CYP4B1: variants seen among roughly 807,000 people sequenced by gnomAD.
CYP4B1 encodes cytochrome P450 4B1.
Under a neutral mutation model 54.0 loss-of-function variants are expected in CYP4B1, and 45 were observed. The observed-to-expected ratio is 0.83, with a 90% CI of 0.66 to 1.07. CYP4B1 has a LOEUF of 1.07. Among genes scored for constraint, CYP4B1 ranks in the 50% least tolerant of loss-of-function variants. The pLI, the probability that CYP4B1 is intolerant of heterozygous loss-of-function variation, is 0.00. For synonymous variants in CYP4B1, 248 were observed against 247.5 expected, an observed-to-expected ratio of 1.00 and a Z score of -0.02; for missense variants, 656 against 655.4, an observed-to-expected ratio of 1.00 and a Z score of -0.01.
chr1:46,810,601 G>A (rs566851157), intron 1 of CYP4B1, among the ~76,000 whole-genome samples: 1 of 152,294 alleles, frequency 6.6e-6, no homozygotes, highest in African/African-American at 2.4e-5. Flanking sequence ...CCCGGTGTGA[G>A]AAGAGGGCGG....
At chr1:46,809,155 AT>A (rs1252655068) in intron 1 of CYP4B1, among the ~76,000 whole-genome samples, 5 of 152,090 alleles carry the variant, frequency 3.3e-5, no homozygotes, top group South Asian at 2.1e-4. Flanking sequence ...AAACAAAAAA[AT>A]AAACAATATG....
At position 46,817,101 on chromosome 1, in the gene CYP4B1, G is replaced by A. The variant is rs144321901; in HGVS notation, c.1127G>A (p.Arg376His). 82 of 1,614,146 alleles carry A rather than the reference G, an allele frequency of 5.1e-5. No homozygotes were observed. In the Admixed American group the frequency reaches 7.5e-4, roughly 15 times the overall value. Residue 376 changes from arginine (R) to histidine (H), a missense_variant, in exon 9 of 12, where the codon CGC becomes CAC. Transcript: ENST00000371923. ...YLTMCIKESF[R>H]LYPPVPQVYR... Reference sequence around the variant, plus strand: ...ACCATGTGCATCAAGGAGAGCTTCCGCCTCTACCCACCTGTGCCCCAGGTG... The same window carrying A: ...ACCATGTGCATCAAGGAGAGCTTCCACCTCTACCCACCTGTGCCCCAGGTG...
intron 4 of CYP4B1, among the ~76,000 whole-genome samples, chr1:46,813,166 C>T (rs547357736): frequency 5.9e-5 from 9 of 152,292 alleles, no homozygotes; most frequent in Non-Finnish European, 1.0e-4. Context: ...ACATATACAC[C>T]ATGCGGGGGA....
At position 46,818,188 on chromosome 1, in the gene CYP4B1, T is replaced by G; in HGVS notation, c.1330T>G (p.Phe444Val). ...TGCATCCAAACGCCATCCCTTTGCC[T>G]TTATGCCCTTCTCTGCTGGGCCCAG... ...ENASKRHPFA[F>V]MPFSAGPRNC... The change falls in exon 11 of 12, where the codon TTT becomes GTT. Residue 444 changes from phenylalanine to valine, a missense_variant. Coordinates refer to ENST00000371923, the MANE Select transcript of CYP4B1 (RefSeq NM_001099772.2). The G allele has an allele frequency of 6.2e-7, 1 of 1,614,086 alleles. No homozygotes were observed. The highest frequency in any genetic ancestry group is 8.5e-7 in the Non-Finnish European group (1 of 1,179,982).
chr1:46,810,944 G>T lies in CYP4B1; in HGVS notation c.317G>T (p.Arg106Leu), dbSNP rs756535167. The change falls in exon 2 of 12, where the codon CGT (arginine) becomes CTT (leucine). Residue 106 changes from arginine (R) to leucine (L), a missense_variant. Coordinates refer to ENST00000371923, the MANE Select transcript of CYP4B1 (RefSeq NM_001099772.2). ...GACTATGCCAAAGCTGTGTACAGCC[G>T]TGGGGGTGAGGAGAGAGGATGGGGA... ...EPDYAKAVYS[R>L]GDPKAPDVYD... 1 of 1,613,852 alleles carries T rather than the reference G, an allele frequency of 6.2e-7. No homozygotes were observed. The highest frequency in any genetic ancestry group is 8.5e-7 in the Non-Finnish European group (1 of 1,179,984).
At position 46,810,946 on chromosome 1, in the gene CYP4B1, G is replaced by T. The variant is rs780326518; in HGVS notation, c.319G>T (p.Gly107Trp). Reference sequence around the variant, plus strand: ...CTATGCCAAAGCTGTGTACAGCCGTGGGGGTGAGGAGAGAGGATGGGGATC... The same window carrying T: ...CTATGCCAAAGCTGTGTACAGCCGTTGGGGTGAGGAGAGAGGATGGGGATC... Reference protein sequence around the residue: ...PDYAKAVYSRGDPKAPDVYDF... With the variant: ...PDYAKAVYSRWDPKAPDVYDF... The change falls in exon 2 of 12, where the codon GGG (glycine) becomes TGG (tryptophan). Residue 107 changes from glycine to tryptophan, a missense_variant. Physicochemically the swap from Gly to Trp is radical, Grantham distance 184. Coordinates refer to ENST00000371923, the MANE Select transcript of CYP4B1 (RefSeq NM_001099772.2). 5.0e-6 allele frequency: 8 copies of T among 1,613,962 alleles called. No individual in the cohort carries two copies. The highest frequency in any genetic ancestry group is 1.3e-5 in the African/African-American group (1 of 75,022).
intron 3 of CYP4B1, 130 bp from the exon 4 acceptor site, chr1:46,812,366 A>C (rs920478638): frequency 4.8e-6 from 5 of 1,038,444 alleles, no homozygotes; most frequent in Admixed American, 2.0e-5. Context: ...CATGGAGGGC[A>C]ATACTGGGTC....
Position 46,814,189 on chromosome 1 carries a change from A to G in CYP4B1, c.776-20A>G. 6.2e-7 allele frequency: 1 copy of G among 1,613,370 alleles called. No individual in the cohort carries two copies. The highest frequency in any genetic ancestry group is 8.5e-7 in the Non-Finnish European group (1 of 1,179,492). On this transcript the variant is annotated intron_variant, in intron 6 of 11. Transcript: ENST00000371923. ...AAAAGATGGCTTCCCAGGCAGTGACACTCTGTGCTTTTGGTTCAGACCAGG... is the reference window on the plus strand; with the variant it reads ...AAAAGATGGCTTCCCAGGCAGTGACGCTCTGTGCTTTTGGTTCAGACCAGG...
At chr1:46,811,260 C>T (rs1473568296) in intron 3 of CYP4B1, 76 bp downstream of exon 3, 25 of 1,466,424 alleles carry the variant, frequency 1.7e-5, no homozygotes, top group Non-Finnish European at 2.4e-5. Context: ...CTGGCCTGTC[C>T]CACTCAATTG....
chr1:46,800,298 C>CTTCCTTCCTTCCTCCCTTCTTTCT (rs1553130205), intron 1 of CYP4B1, among the ~76,000 whole-genome samples: 3 of 87,976 alleles, frequency 3.4e-5, no homozygotes, highest in Admixed American at 1.3e-4. Context: ...TCCTTCCTTC[C>CTTCCTTCCTTCCTCCCTTCTTTCT]TTCTTTCCTT....
At chr1:46,804,637 G>T (rs1052004070) in intron 1 of CYP4B1, among the ~76,000 whole-genome samples, 2 of 151,978 alleles carry the variant, frequency 1.3e-5, no homozygotes, top group African/African-American at 4.8e-5. Flanking sequence ...AAACAGAGAG[G>T]CTGGGTGCAG....
Position 46,817,088 on chromosome 1 carries a change from A to G in CYP4B1, c.1114A>G (p.Lys372Glu), listed in dbSNP as rs772639166. The G allele has an allele frequency of 1.2e-6, 2 of 1,614,168 alleles. No individual in the cohort carries two copies. The highest frequency in any genetic ancestry group is 1.7e-6 in the Non-Finnish European group (2 of 1,180,018). The change falls in exon 9 of 12, where the codon AAG becomes GAG. Residue 372 changes from lysine to glutamate, a missense_variant. Coordinates refer to ENST00000371923, the MANE Select transcript of CYP4B1 (RefSeq NM_001099772.2). ...AATGACTTATCTGACCATGTGCATC[A>G]AGGAGAGCTTCCGCCTCTACCCACC... The part of the protein sequence containing the change: ...GKMTYLTMCI[K>E]ESFRLYPPVP...
At chr1:46,804,016 G>A (rs1678761402) in intron 1 of CYP4B1, among the ~76,000 whole-genome samples, 1 of 152,168 alleles carries the variant, frequency 6.6e-6, no homozygotes, top group Non-Finnish European at 1.5e-5. Context: ...TATGATTCTG[G>A]ACCTCAGGAG....
chr1:46,810,736 C>T lies in CYP4B1; in HGVS notation c.181-72C>T, dbSNP rs568674835. The T allele has an allele frequency of 1.6e-4, 252 of 1,572,478 alleles. 2 individuals are homozygous for T. In the African/African-American group the frequency reaches 2.9e-3, roughly 18 times the overall value. On this transcript the variant is annotated intron_variant, in intron 1 of 11. Transcript: ENST00000371923. ...TGCCTGGGCAGCCTTCTCCCCTGCCCTCCCAGGGACTTGGGGCCTAGCTGG... is the reference window on the plus strand; with the variant it reads ...TGCCTGGGCAGCCTTCTCCCCTGCCTTCCCAGGGACTTGGGGCCTAGCTGG...
chr1:46,818,437 C>T (rs1679425234), intron 11 of CYP4B1, among the ~76,000 whole-genome samples, 194 bp from the exon 12 acceptor site: 2 of 152,172 alleles, frequency 1.3e-5, no homozygotes, highest in African/African-American at 4.8e-5. Context: ...TGCCAGACCC[C>T]CACCATGTGA....
At chr1:46,802,907 A>G (rs1037261591) in intron 1 of CYP4B1, among the ~76,000 whole-genome samples, 4 of 152,212 alleles carry the variant, frequency 2.6e-5, no homozygotes, top group East Asian at 1.9e-4. Flanking sequence ...TGCAGAAGAA[A>G]AGGCAGAAGG....
chr1:46,801,065 C>T (rs1678637543), intron 1 of CYP4B1, among the ~76,000 whole-genome samples: 1 of 152,172 alleles, frequency 6.6e-6, no homozygotes, highest in Non-Finnish European at 1.5e-5. Flanking sequence ...TGATCTGATT[C>T]ATCCCTGTAC....
At position 46,814,040 on chromosome 1, in the gene CYP4B1, G is replaced by A. The variant is rs377113040; in HGVS notation, c.752G>A (p.Cys251Tyr). The A allele has an allele frequency of 1.2e-6, 2 of 1,613,944 alleles. No individual in the cohort carries two copies. The highest frequency in any genetic ancestry group is 1.7e-6 in the Non-Finnish European group (2 of 1,180,004). ...CATGGCCGCCGCTTCCTGCGGGCCTGCCAGGTGGCCCATGACCATACAGGT... is the reference window on the plus strand; with the variant it reads ...CATGGCCGCCGCTTCCTGCGGGCCTACCAGGTGGCCCATGACCATACAGGT... ...TPHGRRFLRACQVAHDHTDQV... is the reference protein window; with the variant it reads ...TPHGRRFLRAYQVAHDHTDQV... Residue 251 changes from cysteine (C) to tyrosine (Y), a missense_variant, in exon 6 of 12, where the codon TGC (cysteine) becomes TAC (tyrosine). By Grantham distance (194) the Cys-to-Tyr change is radical. Coordinates refer to ENST00000371923, the MANE Select transcript of CYP4B1 (RefSeq NM_001099772.2).
chr1:46,799,713 G>A (rs774802094), intron 1 of CYP4B1, among the ~76,000 whole-genome samples: 1 of 149,658 alleles, frequency 6.7e-6, no homozygotes, highest in South Asian at 2.1e-4. Context: ...GATGAGTACC[G>A]CCACATGACA....
Sources: allele counts gnomAD v4.1 joint callset (sites outside exome capture counted in the v4.1 genomes callset), GRCh38; gene constraint gnomAD v4.1.1; transcripts MANE v1.5; gene names NCBI Gene and HGNC (gene_info 2026-07-23, HGNC 2026-07-21).